Variants in TSC22D1 observed in about 807,000 individuals in gnomAD.
TSC22D1 encodes TSC22 domain family member 1.
TSC22D1 carries 9 observed loss-of-function variants against 74.2 expected under a neutral mutation model. That is an observed-to-expected ratio of 0.12 (90% confidence interval 0.07 to 0.21). TSC22D1 has a LOEUF of 0.21. Ranked by LOEUF, TSC22D1 falls within the 10% of genes least tolerant of loss-of-function variation. TSC22D1 has a pLI of 1.00. For synonymous variants in TSC22D1, 586 were observed against 492.5 expected (o/e 1.19, Z -2.51); for missense variants, 1,427 against 1,304.7 (o/e 1.09, Z -1.44).
intron 1 of TSC22D1, among the ~76,000 whole-genome samples, chr13:44,457,371 A>G (rs1457340896): frequency 1.3e-5 from 2 of 152,236 alleles, no homozygotes; most frequent in Non-Finnish European, 2.9e-5. Context: ...AAAAACATCA[A>G]GCAGCATGCA....
intron 1 of TSC22D1, chr13:44,537,812 C>CT: frequency 1.0e-6 from 1 of 984,876 alleles, no homozygotes; most frequent in Non-Finnish European, 1.2e-6. Context: ...CCAAGAAAGA[C>CT]TAAGTGCAGG....
At chr13:44,437,060 A>T in intron 1 of TSC22D1, 1 of 969,700 alleles carries the variant, frequency 1.0e-6, no homozygotes, top group Middle Eastern at 5.2e-4. Context: ...GCTCAGAGGG[A>T]GTGGGGTGCT....
intron 1 of TSC22D1, among the ~76,000 whole-genome samples, chr13:44,498,323 A>AAAC (rs1491102913): frequency 8.9e-6 from 1 of 112,758 alleles, no homozygotes; most frequent in East Asian, 3.1e-4. Context: ...AACAAACAAA[A>AAAC]CCAAAAACAA....
chr13:44,486,617 T>C (rs1222945954), intron 1 of TSC22D1, among the ~76,000 whole-genome samples: 1 of 152,170 alleles, frequency 6.6e-6, no homozygotes, highest in African/African-American at 2.4e-5. Flanking sequence ...AATGGACACA[T>C]AGAGAATCCT....
rs1176236863 is a variant in TSC22D1, at chr13:44,434,066, T to A, written c.*560A>T. On this transcript the variant is annotated 3_prime_UTR_variant, in exon 3 of 3. Transcript: ENST00000458659. ...TTGTCACTCTCATAGTTTTGTGTCA[T>A]CCATTGTTTGAGAAGAAAGAGGCAC... The A allele has an allele frequency of 6.5e-7, 1 of 1,528,518 alleles. No individual in the cohort carries two copies. The allele number at this position is 1,528,518 out of a possible 1,614,324, so 94.7% of individuals were successfully genotyped here. A position where few individuals can be genotyped will look rare whatever the true frequency, so the allele number is the denominator to read the frequency against.
chr13:44,550,291 G>T (rs756808318), intron 1 of TSC22D1, among the ~76,000 whole-genome samples: 11 of 152,084 alleles, frequency 7.2e-5, no homozygotes, highest in East Asian at 5.8e-4. Context: ...GCTCCATTAA[G>T]AAATAAAGCA....
chr13:44,555,035 G>C (rs1882537535), intron 1 of TSC22D1, among the ~76,000 whole-genome samples: 1 of 151,394 alleles, frequency 6.6e-6, no homozygotes, highest in Non-Finnish European at 1.5e-5. Context: ...CTACATATTG[G>C]ATCAATTTCC....
At chr13:44,436,527 G>A in intron 1 of TSC22D1, 1 of 1,614,002 alleles carries the variant, frequency 6.2e-7, no homozygotes, top group Non-Finnish European at 8.5e-7. Flanking sequence ...TCACAGAAGC[G>A]TTTTCAGTCC....
chr13:44,434,139 C>G lies in TSC22D1; in HGVS notation c.*487G>C, dbSNP rs923048296. On this transcript the variant is annotated 3_prime_UTR_variant, in exon 3 of 3. Transcript: ENST00000458659. ...TTTGGTGACAGTTGTCAAATTTGTA[C>G]AGTGAACTCTGTTCCCCCTCATTTT... The G allele has an allele frequency of 2.7e-6, 4 of 1,495,910 alleles. No homozygotes were observed. The East Asian group carries it at 7.7e-5, about 29-fold the overall frequency. 92.7% of individuals were successfully genotyped at this position (1,495,910 alleles called of 1,614,324 possible).
rs1417020218 is a variant in TSC22D1 at position 44,570,172 on chromosome 13, G to A, written c.2912+2991C>T. 2.7e-5 allele frequency among the ~76,000 whole-genome samples: 4 copies of A among 150,802 alleles called. No homozygotes were observed. The East Asian group carries it at 5.8e-4, about 22-fold the overall frequency. ...AGGTGAATTCACAGTTCATGTTACA[G>A]TCTAAGACATTAAGACTTTTTTTTT... is the stretch of plus-strand genomic sequence containing the variant. On this transcript the variant is annotated intron_variant, in intron 1 of 2. Transcript: ENST00000458659.
chr13:44,469,180 TA>T (rs1272369107), intron 1 of TSC22D1, among the ~76,000 whole-genome samples: 1 of 152,118 alleles, frequency 6.6e-6, no homozygotes, highest in Admixed American at 6.6e-5. Flanking sequence ...ACCTACAGGG[TA>T]AGCCCCCAAT....
rs1196189999 is a variant in TSC22D1, at chr13:44,433,378, A to C, written c.*1248T>G. On this transcript the variant is annotated 3_prime_UTR_variant, in exon 3 of 3. Transcript: ENST00000458659. ...CAACTCAATGTGTCAATTTCCTTTT[A>C]CTTCATGCAGTCAAATCACGCCCCT... 2.6e-5 allele frequency: 4 copies of C among 152,362 alleles called. No homozygotes were observed. The highest frequency in any genetic ancestry group is 5.9e-5 in the Non-Finnish European group (4 of 68,208). 9.4% of individuals were successfully genotyped at this position (152,362 alleles called of 1,614,324 possible). A position where few individuals can be genotyped will look rare whatever the true frequency, so the allele number is the denominator to read the frequency against.
chr13:44,563,237 T>C (rs1317005869), intron 1 of TSC22D1, among the ~76,000 whole-genome samples: 3 of 152,186 alleles, frequency 2.0e-5, no homozygotes, highest in Admixed American at 6.5e-5. Flanking sequence ...ACCCCCTTTT[T>C]CAAAATGAGA....
At chr13:44,564,404 TAACA>T (rs1348786369) in intron 1 of TSC22D1, among the ~76,000 whole-genome samples, 2 of 152,204 alleles carry the variant, frequency 1.3e-5, no homozygotes, top group Admixed American at 6.5e-5. Flanking sequence ...AAACAGTTAT[TAACA>T]AACAACCTAA....
chr13:44,571,190 TAC>T (rs1883739267), intron 1 of TSC22D1, among the ~76,000 whole-genome samples: 1 of 152,266 alleles, frequency 6.6e-6, no homozygotes. Context: ...ATTGAATGTG[TAC>T]AGTGTCTGAA....
intron 1 of TSC22D1, among the ~76,000 whole-genome samples, chr13:44,520,706 A>G (rs1415752514): frequency 1.3e-5 from 2 of 152,176 alleles, no homozygotes; most frequent in Non-Finnish European, 2.9e-5. Context: ...GGGGTGTTGA[A>G]CATGTCAGAT....
chr13:44,538,496 G>T (rs985650883), intron 1 of TSC22D1: 1 of 985,214 alleles, frequency 1.0e-6, no homozygotes, highest in African/African-American at 1.7e-5. Context: ...TCATTAAGGT[G>T]ATTTTCAATC....
At chr13:44,458,603 C>T (rs1442494428) in intron 1 of TSC22D1, among the ~76,000 whole-genome samples, 1 of 152,034 alleles carries the variant, frequency 6.6e-6, no homozygotes, top group Non-Finnish European at 1.5e-5. Context: ...GCTGCCCAGC[C>T]GTACCTCCAG....
rs148633033 is a variant in TSC22D1 at position 44,506,948 on chromosome 13, C to A, written c.2912+66215G>T. On this transcript the variant is annotated intron_variant, in intron 1 of 2. Transcript: ENST00000458659. ...GTGTATCTGGGGACTCAGGAACAAG[C>A]ATGTCAGAGGCATGAGAAAATGGAG... 7.1e-3 allele frequency among the ~76,000 whole-genome samples: 1,083 copies of A among 152,234 alleles called. 5 individuals are homozygous for A. Among genetic ancestry groups the A allele is most frequent in the Non-Finnish European group, 0.01 (688 of 68,012 alleles).
Sources: gnomAD v4.1 joint callset for allele counts (sites outside exome capture counted in the v4.1 genomes callset) on GRCh38, gnomAD v4.1.1 for gene constraint, MANE v1.5 for transcripts, NCBI Gene and HGNC (gene_info 2026-07-23, HGNC 2026-07-21) for gene names.